Variants in LAMC1 observed in about 807,000 individuals in gnomAD.
LAMC1 encodes laminin subunit gamma-1.
A neutral mutation model predicts 173.6 loss-of-function variants in LAMC1; 38 were observed. That is an observed-to-expected ratio of 0.22 (90% CI 0.17 to 0.29). LAMC1 has a LOEUF of 0.29. Ranked by LOEUF, LAMC1 falls within the 10% of genes least tolerant of loss-of-function variation. The pLI, the probability that LAMC1 is intolerant of heterozygous loss-of-function variation, is 1.00. For synonymous variants in LAMC1, 746 were observed against 749.1 expected (o/e 1.00, Z 0.07); for missense variants, 1,824 against 2,051.8 (o/e 0.89, Z 2.14).
chr1:183,119,336 C>A (rs748499458), intron 11 of LAMC1, among the ~76,000 whole-genome samples: 1 of 151,992 alleles, frequency 6.6e-6, no homozygotes, highest in East Asian at 1.9e-4. Context: ...TTTTGAAATG[C>A]CTGCATGAAT....
chr1:183,140,245 C>CAAAAAAAAAAAAAAAAAAAAAAAAA (rs56152259), intron 26 of LAMC1, among the ~76,000 whole-genome samples, 159 bp from the exon 27 acceptor site: 11 of 52,910 alleles, frequency 2.1e-4, no homozygotes, highest in African/African-American at 7.8e-4. Flanking sequence ...GCAGCCCCAC[C>CAAAAAAAAAAAAAAAAAAAAAAAAA]AAAAAAAAAA....
intron 26 of LAMC1, among the ~76,000 whole-genome samples, chr1:183,139,543 G>A (rs567421107): frequency 1.3e-5 from 2 of 152,282 alleles, no homozygotes; most frequent in South Asian, 2.1e-4. Flanking sequence ...TCATTTATTT[G>A]TGAAGGTTTT....
At chr1:183,049,786 C>T (rs565220582) in intron 1 of LAMC1, among the ~76,000 whole-genome samples, 2 of 151,598 alleles carry the variant, frequency 1.3e-5, no homozygotes, top group South Asian at 4.2e-4. Flanking sequence ...TTTCTTATCT[C>T]CTTAAATACC....
At chr1:183,060,826 G>T (rs904496547) in intron 1 of LAMC1, among the ~76,000 whole-genome samples, 1 of 152,208 alleles carries the variant, frequency 6.6e-6, no homozygotes, top group African/African-American at 2.4e-5. Flanking sequence ...TGCAAAATCA[G>T]TGCTATTGTG....
intron 1 of LAMC1, among the ~76,000 whole-genome samples, chr1:183,035,982 T>C (rs943748127): frequency 6.6e-6 from 1 of 152,156 alleles, no homozygotes; most frequent in African/African-American, 2.4e-5. Context: ...CACTCCCCTA[T>C]TTTTCCTATA....
chr1:183,042,199 T>A (rs12094318), intron 1 of LAMC1, among the ~76,000 whole-genome samples: 3,686 of 152,200 alleles, frequency 0.024, 147 homozygotes, highest in African/African-American at 0.084. Context: ...GACTCATGAG[T>A]GTTTCCTGGA....
chr1:183,062,523 G>A (rs1234987705), intron 1 of LAMC1, among the ~76,000 whole-genome samples: 6 of 152,132 alleles, frequency 3.9e-5, no homozygotes, highest in East Asian at 1.9e-4. Context: ...GTGGTGGGGC[G>A]TGCCTGTAGT....
intron 4 of LAMC1, among the ~76,000 whole-genome samples, chr1:183,111,044 A>G (rs1656134416): frequency 6.6e-6 from 1 of 151,942 alleles, no homozygotes; most frequent in South Asian, 2.1e-4. Flanking sequence ...TGTATCAAAT[A>G]TAATGAGTTC....
chr1:183,061,449 T>A (rs934233793), intron 1 of LAMC1, among the ~76,000 whole-genome samples: 1 of 152,138 alleles, frequency 6.6e-6, no homozygotes, highest in Non-Finnish European at 1.5e-5. Flanking sequence ...TCAGTATTCT[T>A]TGGCATTTAC....
In LAMC1 at chr1:183,133,492, C is replaced by T. The variant is rs759082563; in HGVS notation, c.3791C>T (p.Ala1264Val). 1 of 1,614,090 alleles carries T rather than the reference C, an allele frequency of 6.2e-7. No individual in the cohort carries two copies. ...HEEAKRAGDKAVEIYASVAQL... is the reference protein window; with the variant it reads ...HEEAKRAGDKVVEIYASVAQL... The stretch of plus-strand genomic sequence containing the variant: ...GAGGCCAAAAGGGCCGGTGACAAAG[C>T]TGTGGAGATCTATGCCAGCGTGGCT... The change falls in exon 22 of 28, where the codon GCT (alanine) becomes GTT (valine). Residue 1264 changes from alanine (A) to valine (V), a missense_variant. Physicochemically the swap from Ala to Val is moderately conservative, Grantham distance 64 (BLOSUM62 0). Coordinates refer to ENST00000258341, the MANE Select transcript of LAMC1 (RefSeq NM_002293.4).
intron 1 of LAMC1, among the ~76,000 whole-genome samples, chr1:183,056,041 C>T (rs932146185): frequency 6.6e-6 from 1 of 152,166 alleles, no homozygotes; most frequent in African/African-American, 2.4e-5. Context: ...TTTCAGTCCT[C>T]TTTCTTTAGT....
chr1:183,109,451 A>C (rs1656079997), intron 3 of LAMC1, among the ~76,000 whole-genome samples: 2 of 152,380 alleles, frequency 1.3e-5, no homozygotes, highest in African/African-American at 2.4e-5. Context: ...AGGAAATGTT[A>C]CCAGGACTTC....
chr1:183,085,236 T>A (rs974186536), intron 1 of LAMC1, among the ~76,000 whole-genome samples: 1 of 151,934 alleles, frequency 6.6e-6, no homozygotes, highest in Non-Finnish European at 1.5e-5. Flanking sequence ...AAAAAAAAGT[T>A]TATGAAATCA....
chr1:183,061,572 T>C (rs1333124321), intron 1 of LAMC1, among the ~76,000 whole-genome samples: 1 of 152,216 alleles, frequency 6.6e-6, no homozygotes, highest in African/African-American at 2.4e-5. Context: ...TTTTAAAAAG[T>C]GCTTATATCT....
chr1:183,050,320 C>T (rs1448368681), intron 1 of LAMC1, among the ~76,000 whole-genome samples: 77 of 138,852 alleles, frequency 5.5e-4, no homozygotes, highest in African/African-American at 2.0e-3. Flanking sequence ...GTCTCACTCT[C>T]GCCCAGGCTG....
At chr1:183,035,127 G>T (rs1653946227) in intron 1 of LAMC1, among the ~76,000 whole-genome samples, 5 of 152,130 alleles carry the variant, frequency 3.3e-5, no homozygotes, top group Admixed American at 3.3e-4. Flanking sequence ...AGGATCTCTG[G>T]ATTTCGACTG....
intron 1 of LAMC1, among the ~76,000 whole-genome samples, chr1:183,030,341 T>C (rs1433592679): frequency 6.6e-6 from 1 of 152,214 alleles, no homozygotes; most frequent in Admixed American, 6.5e-5. Context: ...AAGTGAGAGA[T>C]GCAAGCACAG....
intron 1 of LAMC1, among the ~76,000 whole-genome samples, chr1:183,053,574 A>T (rs928663932): frequency 6.6e-6 from 1 of 151,950 alleles, no homozygotes; most frequent in African/African-American, 2.4e-5. Context: ...TGATCAGAAC[A>T]TTTACATTTT....
chr1:183,094,073 T>C (rs150860419), intron 1 of LAMC1, among the ~76,000 whole-genome samples: 16 of 152,288 alleles, frequency 1.1e-4, no homozygotes, highest in Middle Eastern at 6.8e-3. Flanking sequence ...GAGCCCTCCA[T>C]GTTGGCATTC....
Sources: allele counts gnomAD v4.1 joint callset (sites outside exome capture counted in the v4.1 genomes callset), GRCh38; gene constraint gnomAD v4.1.1; transcripts MANE v1.5; gene names NCBI Gene and HGNC (gene_info 2026-07-23, HGNC 2026-07-21).